The following FTCDNL1 variants were observed in gnomAD, a reference collection of about 807,000 sequenced individuals.
FTCDNL1 encodes formiminotransferase cyclodeaminase N-terminal like.
A neutral mutation model predicts 5.9 loss-of-function variants in FTCDNL1; 11 were observed. The observed-to-expected ratio is 1.87, with a 90% CI of 1.18 to 3.10. The LOEUF is 3.10. FTCDNL1 is among the 30% of genes most tolerant of loss of function. The probability of loss-of-function intolerance (pLI) is 0.00; values close to 1 mark genes in which losing one functional copy is unlikely to be tolerated. For synonymous variants in FTCDNL1, 58 were observed against 24.8 expected, an observed-to-expected ratio of 2.34 and a Z score of -3.99; for missense variants, 115 against 65.5, an observed-to-expected ratio of 1.76 and a Z score of -2.61.
At chr2:199,716,984 T>C in the FTCDNL1 span, among the ~76,000 whole-genome samples, 5 of 152,128 alleles carry the variant, frequency 3.3e-5, no homozygotes, top group African/African-American at 1.2e-4. Flanking sequence ...CTGCTTCGTT[T>C]CTCGGAGTGT....
At chr2:199,706,665 A>G in the FTCDNL1 span, among the ~76,000 whole-genome samples, 1 of 152,146 alleles carries the variant, frequency 6.6e-6, no homozygotes, top group African/African-American at 2.4e-5. Context: ...GTTACTGTTT[A>G]TGAATATGGA....
intron 4 of FTCDNL1, among the ~76,000 whole-genome samples, chr2:199,814,635 G>A (rs530610410): frequency 6.6e-6 from 1 of 152,296 alleles, no homozygotes; most frequent in Admixed American, 6.5e-5. Flanking sequence ...CCTGAGTTCA[G>A]GCAAAGTCTT....
chr2:199,764,866 C>T (rs1290366497), intron 3 of FTCDNL1, among the ~76,000 whole-genome samples: 3 of 152,184 alleles, frequency 2.0e-5, no homozygotes, highest in Non-Finnish European at 4.4e-5. Context: ...GCACCCGCTT[C>T]CCTACTCCCC....
intron 1 of FTCDNL1, 137 bp downstream of exon 1, chr2:199,850,603 C>T (rs567955761): frequency 6.6e-6 from 1 of 152,348 alleles, no homozygotes; most frequent in East Asian, 1.9e-4. Flanking sequence ...ACAGGGAGAT[C>T]CTAGTCCTCC....
intron 3 of FTCDNL1, among the ~76,000 whole-genome samples, chr2:199,779,188 T>A (rs1699235797): frequency 6.6e-6 from 1 of 152,244 alleles, no homozygotes; most frequent in East Asian, 1.9e-4. Flanking sequence ...TCTTATAAAT[T>A]GGCTCTATCG....
At chr2:199,836,828 G>A (rs998541935) in intron 3 of FTCDNL1, among the ~76,000 whole-genome samples, 1 of 152,150 alleles carries the variant, frequency 6.6e-6, no homozygotes, top group African/African-American at 2.4e-5. Flanking sequence ...GTATCAAGCT[G>A]TGAGCAACTG....
intron 3 of FTCDNL1, among the ~76,000 whole-genome samples, chr2:199,796,066 G>A (rs963212666): frequency 6.6e-6 from 1 of 152,002 alleles, no homozygotes; most frequent in Non-Finnish European, 1.5e-5. Flanking sequence ...ATATAAAACA[G>A]ATTGGGAGAT....
the FTCDNL1 span, among the ~76,000 whole-genome samples, chr2:199,688,128 A>G: frequency 0.01 from 1,518 of 151,148 alleles, 32 homozygotes; most frequent in African/African-American, 0.035. Context: ...GCTACTCAGG[A>G]GGGTAAGGCA....
intron 3 of FTCDNL1, among the ~76,000 whole-genome samples, chr2:199,761,541 C>T (rs1333036912): frequency 6.6e-6 from 1 of 152,176 alleles, no homozygotes; most frequent in Non-Finnish European, 1.5e-5. Flanking sequence ...TGTTGCCCTC[C>T]TGGGACTTTG....
the FTCDNL1 span, among the ~76,000 whole-genome samples, chr2:199,751,882 AT>A: frequency 0.85 from 128,081 of 151,448 alleles, 55,218 homozygotes; most frequent in East Asian, 1. Flanking sequence ...CTGAATCAGG[AT>A]TTTTTTTTTA....
chr2:199,757,556 T>C (rs1349654015), downstream of FTCDNL1, among the ~76,000 whole-genome samples: 1 of 152,178 alleles, frequency 6.6e-6, no homozygotes, highest in Non-Finnish European at 1.5e-5. Flanking sequence ...CCACAGTAGA[T>C]GACCAGAAAA....
chr2:199,806,789 C>T (rs1700747275), downstream of FTCDNL1, among the ~76,000 whole-genome samples: 1 of 152,168 alleles, frequency 6.6e-6, no homozygotes, highest in South Asian at 2.1e-4. Flanking sequence ...AACCTTATCA[C>T]CTCATAGCCT....
chr2:199,781,597 A>AG (rs1018066990), intron 3 of FTCDNL1, among the ~76,000 whole-genome samples: 1 of 152,174 alleles, frequency 6.6e-6, no homozygotes, highest in African/African-American at 2.4e-5. Flanking sequence ...ACAGAATGGC[A>AG]GGGGGTGGGA....
chr2:199,722,556 T>C, the FTCDNL1 span, among the ~76,000 whole-genome samples: 1 of 152,240 alleles, frequency 6.6e-6, no homozygotes, highest in Non-Finnish European at 1.5e-5. Flanking sequence ...TTGGGTAGCA[T>C]GATGCCTCCA....
chr2:199,757,705 G>A (rs144641492), downstream of FTCDNL1, among the ~76,000 whole-genome samples: 3 of 152,304 alleles, frequency 2.0e-5, no homozygotes, highest in Non-Finnish European at 4.4e-5. Context: ...TCTTGGCATG[G>A]AGTATGCATG....
At chr2:199,727,590 G>A in the FTCDNL1 span, among the ~76,000 whole-genome samples, 1 of 152,102 alleles carries the variant, frequency 6.6e-6, no homozygotes, top group Non-Finnish European at 1.5e-5. Context: ...CGTGGGTTGT[G>A]CTAACTGCCT....
chr2:199,689,330 G>T, the FTCDNL1 span, among the ~76,000 whole-genome samples: 1 of 152,162 alleles, frequency 6.6e-6, no homozygotes, highest in Non-Finnish European at 1.5e-5. Flanking sequence ...ATGAGGAAGA[G>T]GGAATTAGCC....
At chr2:199,828,226 T>C (rs985214835) in intron 3 of FTCDNL1, among the ~76,000 whole-genome samples, 1 of 152,226 alleles carries the variant, frequency 6.6e-6, no homozygotes. Context: ...GTGATATGAA[T>C]TGTATATTCA....
chr2:199,753,600 G>A, the FTCDNL1 span, among the ~76,000 whole-genome samples: 3 of 152,338 alleles, frequency 2.0e-5, no homozygotes, highest in East Asian at 5.8e-4. Context: ...CGTGGTCACT[G>A]TCACTGGGAA....
Sources: allele counts gnomAD v4.1 joint callset (sites outside exome capture counted in the v4.1 genomes callset), GRCh38; gene constraint gnomAD v4.1.1; transcripts MANE v1.5; gene names NCBI Gene and HGNC (gene_info 2026-07-23, HGNC 2026-07-21).